Variants in OR3A3 observed in about 807,000 individuals in gnomAD.
OR3A3 encodes the protein olfactory receptor 3A3.
For synonymous variants in OR3A3, 103 were observed against 163.9 expected (o/e 0.63, Z 2.84); for missense variants, 275 against 391.4 (o/e 0.70, Z 2.51).
intron 2 of OR3A3, among the ~76,000 whole-genome samples, chr17:3,419,983 G>A (rs1381052921): frequency 6.6e-6 from 1 of 152,036 alleles, no homozygotes; most frequent in Non-Finnish European, 1.5e-5. Context: ...TAGCCAGGAT[G>A]GTCTCAATCT....
intron 2 of OR3A3, among the ~76,000 whole-genome samples, chr17:3,415,370 G>A (rs1290049095): frequency 1.3e-5 from 2 of 151,494 alleles, no homozygotes; most frequent in African/African-American, 4.9e-5. Context: ...AGACCAGCCT[G>A]GTCAACATGG....
intron 2 of OR3A3, among the ~76,000 whole-genome samples, chr17:3,419,249 T>A (rs1043834486): frequency 2.0e-5 from 3 of 152,226 alleles, no homozygotes; most frequent in Non-Finnish European, 4.4e-5. Context: ...TTCAGAATCA[T>A]GAGTATCTTC....
chr17:3,420,283 A>G (rs1339433646), intron 2 of OR3A3, among the ~76,000 whole-genome samples: 1 of 152,242 alleles, frequency 6.6e-6, no homozygotes, highest in Non-Finnish European at 1.5e-5. Context: ...CTACTCATTT[A>G]GCAAAAATCT....
rs761130731 is a variant in OR3A3 at position 3,421,471 on chromosome 17, A to G, written c.886A>G (p.Arg296Gly). The G allele has an allele frequency of 6.9e-5, 108 of 1,574,626 alleles. No individual in the cohort carries two copies. Among genetic ancestry groups the G allele is most frequent in the Non-Finnish European group, 8.9e-5 (103 of 1,159,402 alleles). Residue 296 changes from arginine (R) to glycine (G), a missense_variant, in exon 3 of 3, where the codon AGA (arginine) becomes GGA (glycine). Transcript: ENST00000641141. ...GCTGAACCCACTTATCTACAGCCTC[A>G]GAAATACTGATGTTCAGGGCGCTCT...
chr17:3,419,220 T>C (rs2072410940), intron 2 of OR3A3, among the ~76,000 whole-genome samples: 2 of 152,252 alleles, frequency 1.3e-5, no homozygotes, highest in African/African-American at 2.4e-5. Context: ...AGAAATGTGC[T>C]GGGCTGGTCT....
intron 2 of OR3A3, among the ~76,000 whole-genome samples, chr17:3,413,820 CA>C (rs966613780): frequency 1.2e-5 from 1 of 86,452 alleles, no homozygotes; most frequent in Non-Finnish European, 2.7e-5. Flanking sequence ...GACTCCATCT[CA>C]AAAAAAAACA....
At chr17:3,415,798 A>AATAATTATT (rs1555532412) in intron 2 of OR3A3, among the ~76,000 whole-genome samples, 4 of 90,572 alleles carry the variant, frequency 4.4e-5, no homozygotes, top group African/African-American at 1.3e-4. Flanking sequence ...CTTATTTTTA[A>AATAATTATT]ATTATTATTA....
intron 2 of OR3A3, among the ~76,000 whole-genome samples, chr17:3,415,766 G>A (rs1028200308): frequency 1.2e-4 from 18 of 145,606 alleles, no homozygotes; most frequent in East Asian, 4.0e-4. Context: ...AGTTTAGTTC[G>A]TTTTATTTTA....
chr17:3,420,454 A>T (rs1567584257), intron 2 of OR3A3, 126 bp from the exon 3 acceptor site: 5 of 1,484,524 alleles, frequency 3.4e-6, no homozygotes, highest in Non-Finnish European at 4.5e-6. Context: ...AGGTAAAGGC[A>T]TTGAGGTGTT....
At chr17:3,413,449 A>G (rs1010779885) in intron 2 of OR3A3, among the ~76,000 whole-genome samples, 36 of 152,208 alleles carry the variant, frequency 2.4e-4, no homozygotes, top group African/African-American at 8.0e-4. Context: ...AGCATTTACA[A>G]TTACCAATTT....
intron 2 of OR3A3, among the ~76,000 whole-genome samples, chr17:3,415,708 CTGAGAA>C (rs2072386872): frequency 6.7e-6 from 1 of 149,980 alleles, no homozygotes; most frequent in Non-Finnish European, 1.5e-5. Flanking sequence ...AGTGACTTGA[CTGAGAA>C]TGCTTTTAAT....
At chr17:3,421,521 A>T in exon 3 of OR3A3, 1 of 1,525,422 alleles carries the variant, frequency 6.6e-7, no homozygotes, top group South Asian at 1.3e-5. Flanking sequence ...TGGGGAAGCG[A>T]TCACTGACCT....
At chr17:3,419,741 T>C (rs1306752508) in intron 2 of OR3A3, among the ~76,000 whole-genome samples, 3 of 147,136 alleles carry the variant, frequency 2.0e-5, no homozygotes, top group Non-Finnish European at 3.0e-5. Context: ...TTTTTTTTTT[T>C]TTTTTTTTTT....
intron 2 of OR3A3, among the ~76,000 whole-genome samples, chr17:3,415,640 G>C (rs1051637401): frequency 6.7e-6 from 1 of 150,332 alleles, no homozygotes; most frequent in African/African-American, 2.4e-5. Context: ...TCTTGCATTG[G>C]CTAAAGCTTT....
At chr17:3,420,628 T>G (rs1329710693) in exon 3 of OR3A3, 1 of 1,515,596 alleles carries the variant, frequency 6.6e-7, no homozygotes, top group Non-Finnish European at 8.8e-7. Flanking sequence ...TGTTGCTGAG[T>G]TCATTCTACT....
chr17:3,418,701 C>T (rs113368100), intron 2 of OR3A3, among the ~76,000 whole-genome samples: 89 of 152,274 alleles, frequency 5.8e-4, no homozygotes, highest in African/African-American at 2.0e-3. Context: ...ATTTCACTGC[C>T]CCAGTTCAGG....
chr17:3,414,679 A>G (rs1377319443), intron 2 of OR3A3, among the ~76,000 whole-genome samples: 1 of 152,194 alleles, frequency 6.6e-6, no homozygotes, highest in Non-Finnish European at 1.5e-5. Context: ...GAGAAAAGGC[A>G]TTTACTGGCA....
chr17:3,412,681 G>T (rs989129337), intron 2 of OR3A3, among the ~76,000 whole-genome samples: 3 of 151,456 alleles, frequency 2.0e-5, no homozygotes, highest in African/African-American at 7.3e-5. Context: ...AGCTGTCTGA[G>T]GGTTGGCAAC....
At chr17:3,413,397 T>G (rs924627320) in intron 2 of OR3A3, among the ~76,000 whole-genome samples, 1 of 152,220 alleles carries the variant, frequency 6.6e-6, no homozygotes, top group Non-Finnish European at 1.5e-5. Flanking sequence ...AAAGAACATA[T>G]GTACAGAGCT....
Sources: gnomAD v4.1 joint callset for allele counts (sites outside exome capture counted in the v4.1 genomes callset) on GRCh38, gnomAD v4.1.1 for gene constraint, MANE v1.5 for transcripts, NCBI Gene and HGNC (gene_info 2026-07-23, HGNC 2026-07-21) for gene names.